RTP2: variants seen among roughly 807,000 people sequenced by gnomAD.
The protein encoded by RTP2 is receptor-transporting protein 2.
RTP2 carries 12 observed loss-of-function variants against 17.9 expected under a neutral mutation model. That is an observed-to-expected ratio of 0.67 (90% confidence interval 0.43 to 1.09). The LOEUF (loss-of-function observed/expected upper bound fraction) is 1.09, where lower values mean the gene tolerates loss of function less well. Ranked by LOEUF, RTP2 falls within the 50% of genes least tolerant of loss-of-function variation. The pLI is 0.00. For missense variants in RTP2, 327 were observed against 295.7 expected, an observed-to-expected ratio of 1.11 and a Z score of -0.78; for synonymous variants, 126 against 117.7, an observed-to-expected ratio of 1.07 and a Z score of -0.46.
the RTP2 span, among the ~76,000 whole-genome samples, chr3:187,713,521 T>A: frequency 6.6e-6 from 1 of 152,188 alleles, no homozygotes; most frequent in African/African-American, 2.4e-5. Context: ...CCAAGAACGC[T>A]GGTTACAGAA....
In RTP2 at chr3:187,701,028, T is replaced by C. The variant is rs547764195; in HGVS notation, c.164+937A>G. Among the ~76,000 whole-genome samples the C allele has an allele frequency of 1.4e-4, 22 of 152,270 alleles. No individual in the cohort carries two copies. In the South Asian group the frequency reaches 4.3e-3, roughly 30 times the overall value. Reference sequence around the variant, plus strand: ...TGCACCATGAGAAGCTTCACACACATACACGTGAACAACCCAGCCTTTGTG... The same window carrying C: ...TGCACCATGAGAAGCTTCACACACACACACGTGAACAACCCAGCCTTTGTG... On this transcript the variant is annotated intron_variant, in intron 1 of 1. Transcript: ENST00000358241.
At chr3:187,702,089 A>G in exon 1 of RTP2, 1 of 1,613,336 alleles carries the variant, frequency 6.2e-7, no homozygotes, top group Non-Finnish European at 8.5e-7. Flanking sequence ...TTCTCATAGA[A>G]GACTTTCTTC....
At chr3:187,709,011 C>T in the RTP2 span, among the ~76,000 whole-genome samples, 1 of 148,366 alleles carries the variant, frequency 6.7e-6, no homozygotes, top group Non-Finnish European at 1.5e-5. Flanking sequence ...AACCTAGGCA[C>T]AGTTTTTAAA....
At chr3:187,712,508 G>A in the RTP2 span, among the ~76,000 whole-genome samples, 6 of 152,122 alleles carry the variant, frequency 3.9e-5, no homozygotes, top group Non-Finnish European at 7.4e-5. Context: ...TCTCAGCAAA[G>A]TTCCATATTG....
chr3:187,713,472 G>A, the RTP2 span, among the ~76,000 whole-genome samples: 2 of 152,194 alleles, frequency 1.3e-5, no homozygotes, highest in African/African-American at 2.4e-5. Context: ...TGAAACGAAA[G>A]TATACTCCAC....
At chr3:187,698,694 C>A (rs1179349451) in exon 2 of RTP2, 1 of 1,613,932 alleles carries the variant, frequency 6.2e-7, no homozygotes, top group Non-Finnish European at 8.5e-7. Context: ...GTGAACGATG[C>A]CCTCCTGGCA....
At chr3:187,714,047 C>T in the RTP2 span, among the ~76,000 whole-genome samples, 3 of 152,178 alleles carry the variant, frequency 2.0e-5, no homozygotes, top group Non-Finnish European at 2.9e-5. Context: ...GGCCCTCACC[C>T]GCTAGCCAGG....
At chr3:187,708,671 T>C in the RTP2 span, among the ~76,000 whole-genome samples, 1 of 152,258 alleles carries the variant, frequency 6.6e-6, no homozygotes, top group East Asian at 1.9e-4. Context: ...TAATTTAATA[T>C]ACTTTAATTA....
the RTP2 span, among the ~76,000 whole-genome samples, chr3:187,708,082 C>T: frequency 0.92 from 140,497 of 152,280 alleles, 65,198 homozygotes; most frequent in Non-Finnish European, 0.98. Flanking sequence ...TTTTATTGTC[C>T]GTAAAACTTC....
At chr3:187,702,087 G>A in exon 1 of RTP2, 1 of 1,613,386 alleles carries the variant, frequency 6.2e-7, no homozygotes, top group East Asian at 2.2e-5. Context: ...TCTTCTCATA[G>A]AAGACTTTCT....
At chr3:187,715,306 G>A in the RTP2 span, among the ~76,000 whole-genome samples, 1 of 152,122 alleles carries the variant, frequency 6.6e-6, no homozygotes, top group South Asian at 2.1e-4. Context: ...GAGTTCAGAT[G>A]CTCACCCAAA....
At chr3:187,705,893 A>G (rs1042965201), upstream of RTP2, among the ~76,000 whole-genome samples, 5 of 152,230 alleles carry the variant, frequency 3.3e-5, no homozygotes, top group Non-Finnish European at 5.9e-5. Flanking sequence ...TTATCCAAAA[A>G]TCAAGATAAA....
the RTP2 span, chr3:187,715,620 A>T: frequency 2.2e-6 from 1 of 456,482 alleles, no homozygotes; most frequent in Non-Finnish European, 4.4e-6. Flanking sequence ...CCTTTATGAT[A>T]GAGTTGGATT....
At chr3:187,701,894 C>G (rs1717858059) in intron 1 of RTP2, 71 bp downstream of exon 1, 3 of 1,420,708 alleles carry the variant, frequency 2.1e-6, no homozygotes, top group Non-Finnish European at 2.8e-6. Flanking sequence ...GGCTCTGTCT[C>G]TCCTTGGAAA....
the RTP2 span, among the ~76,000 whole-genome samples, chr3:187,712,360 A>G: frequency 6.6e-6 from 1 of 152,190 alleles, no homozygotes; most frequent in Non-Finnish European, 1.5e-5. Flanking sequence ...TGCTCCTAGT[A>G]TATGGTGAAT....
exon 1 of RTP2, chr3:187,702,084 A>G (rs1364970274): frequency 1.2e-6 from 2 of 1,613,318 alleles, no homozygotes; most frequent in South Asian, 2.2e-5. Context: ...CCATCTTCTC[A>G]TAGAAGACTT....
chr3:187,699,632 A>C (rs1400248536), intron 1 of RTP2, among the ~76,000 whole-genome samples: 1 of 151,920 alleles, frequency 6.6e-6, no homozygotes, highest in African/African-American at 2.4e-5. Flanking sequence ...ACATCTTCAC[A>C]AAGAACACTC....
At chr3:187,710,794 G>C in the RTP2 span, among the ~76,000 whole-genome samples, 1 of 152,106 alleles carries the variant, frequency 6.6e-6, no homozygotes, top group African/African-American at 2.4e-5. Context: ...GAGGATTCCT[G>C]AAAGTGTAGG....
chr3:187,699,095 C>CT (rs1717777722), intron 1 of RTP2, 84 bp from the exon 2 acceptor site: 2 of 1,444,290 alleles, frequency 1.4e-6, no homozygotes, highest in Non-Finnish European at 1.8e-6. Flanking sequence ...AAAAAAAAGC[C>CT]TGTGTGCCCG....
Sources: gnomAD v4.1 joint callset for allele counts (sites outside exome capture counted in the v4.1 genomes callset) on GRCh38, gnomAD v4.1.1 for gene constraint, MANE v1.5 for transcripts, NCBI Gene and HGNC (gene_info 2026-07-23, HGNC 2026-07-21) for gene names.